PLEKHH2: variants seen among roughly 807,000 people sequenced by gnomAD.
PLEKHH2 encodes pleckstrin homology domain-containing family H member 2.
PLEKHH2 carries 129 observed loss-of-function variants against 187.9 expected under a neutral mutation model. The ratio of observed to expected loss-of-function variants is 0.69; its 90% CI spans 0.59 to 0.79. The LOEUF is 0.79. PLEKHH2 is among the 30% of genes least tolerant of loss of function. The pLI, the probability that PLEKHH2 is intolerant of heterozygous loss-of-function variation, is 0.00. For synonymous variants in PLEKHH2, 686 were observed against 605.6 expected (o/e 1.13, Z -1.95); for missense variants, 2,076 against 1,751.2 (o/e 1.19, Z -3.31).
At chr2:43,655,321 T>A (rs939806118) in intron 2 of PLEKHH2, among the ~76,000 whole-genome samples, 5 of 151,936 alleles carry the variant, frequency 3.3e-5, no homozygotes, top group African/African-American at 7.3e-5. Context: ...GATAGTGTAG[T>A]GGTGGGGGAT....
chr2:43,731,857 A>T (rs1025138325), intron 19 of PLEKHH2, among the ~76,000 whole-genome samples: 4 of 152,188 alleles, frequency 2.6e-5, no homozygotes, highest in African/African-American at 9.6e-5. Flanking sequence ...TTGGTATCAG[A>T]TGAATCATTT....
At chr2:43,659,012 G>A (rs1418816737) in intron 2 of PLEKHH2, 1 of 109,244 alleles carries the variant, frequency 9.2e-6, no homozygotes, top group Non-Finnish European at 1.7e-5. Context: ...TCACTCTGTT[G>A]CCTAGGCCTG....
At chr2:43,638,170 G>A (rs975964864) in intron 1 of PLEKHH2, among the ~76,000 whole-genome samples, 2 of 152,104 alleles carry the variant, frequency 1.3e-5, no homozygotes, top group Admixed American at 1.3e-4. Flanking sequence ...CGTTGCCCAA[G>A]TGGGGCTAGG....
At chr2:43,711,487 CTTATT>C in intron 14 of PLEKHH2, 2 of 955,492 alleles carry the variant, frequency 2.1e-6, no homozygotes, top group Non-Finnish European at 1.2e-6. Context: ...GCAAGATCTT[CTTATT>C]TTATTTATAG....
intron 24 of PLEKHH2, among the ~76,000 whole-genome samples, chr2:43,750,480 C>CAA (rs755499136): frequency 2.5e-4 from 33 of 133,090 alleles, no homozygotes; most frequent in Admixed American, 1.1e-3. Context: ...GACTCTGTCT[C>CAA]AAAAAAAAAA....
chr2:43,678,029 C>T (rs1667943068), intron 2 of PLEKHH2, among the ~76,000 whole-genome samples: 1 of 151,722 alleles, frequency 6.6e-6, no homozygotes, highest in African/African-American at 2.4e-5. Flanking sequence ...CCTCACTTCT[C>T]AGACGAGGCG....
chr2:43,648,108 T>G (rs1666271749), intron 2 of PLEKHH2, among the ~76,000 whole-genome samples: 1 of 152,192 alleles, frequency 6.6e-6, no homozygotes, highest in South Asian at 2.1e-4. Context: ...CTTTCAGACT[T>G]GTGATGCAGC....
chr2:43,644,197 A>G (rs1186021846), intron 1 of PLEKHH2, among the ~76,000 whole-genome samples: 2 of 152,126 alleles, frequency 1.3e-5, no homozygotes, highest in East Asian at 3.8e-4. Context: ...AAACTGTAAT[A>G]CTTCCTTAAA....
At chr2:43,669,314 T>TG (rs1301024832) in intron 2 of PLEKHH2, among the ~76,000 whole-genome samples, 13 of 152,014 alleles carry the variant, frequency 8.6e-5, no homozygotes, top group Non-Finnish European at 1.6e-4. Context: ...AGCAAAGCAA[T>TG]GGGGGAATGA....
At position 43,706,244 on chromosome 2, in the gene PLEKHH2, C is replaced by A. The variant is rs76876349; in HGVS notation, c.1727-78C>A. 1.6e-3 allele frequency: 1,510 copies of A among 963,096 alleles called. 21 individuals carry two copies. In the African/African-American group the frequency reaches 0.022, roughly 14 times the overall value. The allele number at this position is 963,096 out of a possible 1,614,324, so 59.7% of individuals were successfully genotyped here. On this transcript the variant is annotated intron_variant, in intron 9 of 29. Transcript: ENST00000282406. ...TTGCTTTTTAAATGGAGATTATGCT[C>A]ATTTGTATTCATAAGAAAAAGACCA...
chr2:43,666,776 T>A (rs1667239433), intron 2 of PLEKHH2, among the ~76,000 whole-genome samples: 1 of 152,218 alleles, frequency 6.6e-6, no homozygotes, highest in Admixed American at 6.5e-5. Context: ...TCTGTCTAAA[T>A]CCTTTTAGCA....
chr2:43,753,486 C>A, intron 24 of PLEKHH2, 133 bp from the exon 25 acceptor site: 1 of 578,760 alleles, frequency 1.7e-6, no homozygotes, highest in Non-Finnish European at 2.7e-6. Flanking sequence ...AAGTCATTGA[C>A]AGTAGTAGTC....
At chr2:43,740,738 A>G (rs956186061) in intron 20 of PLEKHH2, 2 of 854,064 alleles carry the variant, frequency 2.3e-6, no homozygotes, top group Middle Eastern at 4.3e-4. Context: ...AGATAACCAT[A>G]CACACAACTA....
At chr2:43,677,868 C>A (rs1280374723) in intron 2 of PLEKHH2, among the ~76,000 whole-genome samples, 2 of 110,514 alleles carry the variant, frequency 1.8e-5, no homozygotes, top group African/African-American at 3.5e-5. Context: ...GGCGGCTGGC[C>A]GGGCGGGGGG....
chr2:43,668,062 CG>C (rs1667305379), intron 2 of PLEKHH2, among the ~76,000 whole-genome samples: 3 of 151,978 alleles, frequency 2.0e-5, no homozygotes, highest in Non-Finnish European at 2.9e-5. Context: ...AGATGAAGTC[CG>C]GCTCTGTCAC....
intron 27 of PLEKHH2, among the ~76,000 whole-genome samples, chr2:43,760,942 A>G (rs1672405587): frequency 6.6e-6 from 1 of 152,214 alleles, no homozygotes; most frequent in South Asian, 2.1e-4. Context: ...TTCAAGGTTC[A>G]TCCATGTTGT....
chr2:43,711,924 T>C, intron 14 of PLEKHH2: 1 of 1,051,024 alleles, frequency 9.5e-7, no homozygotes, highest in Non-Finnish European at 1.2e-6. Context: ...AGTAGGAACC[T>C]GTAACACATT....
At position 43,728,871 on chromosome 2, in the gene PLEKHH2, CTT is replaced by C. The variant is rs545769287; in HGVS notation, c.2722-762_2722-761del. Among the ~76,000 whole-genome samples the C allele has an allele frequency of 1.7e-4, 26 of 152,156 alleles. 1 individual carries two copies. In the East Asian group the frequency reaches 3.7e-3, roughly 22 times the overall value. On this transcript the variant is annotated intron_variant, in intron 17 of 29. Transcript: ENST00000282406. ...GCCACCGTGCCCGGCCTACAATACT[CTT>C]TTTAAAATAATTTTATTTTTGAAGT... is the stretch of plus-strand genomic sequence containing the variant.
intron 24 of PLEKHH2, among the ~76,000 whole-genome samples, chr2:43,747,984 C>A (rs1671847143): frequency 6.6e-6 from 1 of 152,184 alleles, no homozygotes; most frequent in Admixed American, 6.5e-5. Flanking sequence ...ATGTTTTTGT[C>A]ATATTCTTTG....
Sources: allele counts gnomAD v4.1 joint callset (sites outside exome capture counted in the v4.1 genomes callset), GRCh38; gene constraint gnomAD v4.1.1; transcripts MANE v1.5; gene names NCBI Gene and HGNC (gene_info 2026-07-23, HGNC 2026-07-21).